The following GPC3 variants were observed in gnomAD, a reference collection of about 807,000 sequenced individuals.
The protein encoded by GPC3 is glypican-3.
GPC3 carries 3 observed loss-of-function variants against 34.4 expected under a neutral mutation model. That is an observed-to-expected ratio of 0.09 (90% CI 0.04 to 0.23). The LOEUF (loss-of-function observed/expected upper bound fraction) is 0.23, where lower values mean the gene tolerates loss of function less well. Ranked by LOEUF, GPC3 falls within the 10% of genes least tolerant of loss-of-function variation. The pLI is 1.00. For missense variants in GPC3, 351 were observed against 445.6 expected, an observed-to-expected ratio of 0.79 and a Z score of 1.91; for synonymous variants, 177 against 174.0, an observed-to-expected ratio of 1.02 and a Z score of -0.13.
intron 2 of GPC3, among the ~76,000 whole-genome samples, chrX:133,924,489 G>A (rs1191119473): frequency 8.9e-6 from 1 of 111,963 alleles, no homozygotes; most frequent in East Asian, 2.8e-4. Flanking sequence ...CTCCACGGAT[G>A]CTATACAAGC....
intron 1 of GPC3, among the ~76,000 whole-genome samples, chrX:133,965,173 C>T (rs900097581): frequency 4.6e-5 from 5 of 109,090 alleles, no homozygotes; most frequent in Admixed American, 9.7e-5. Flanking sequence ...TGGTGTCACC[C>T]CCCCCCACCC....
chrX:133,687,798 T>C (rs1267763018), intron 5 of GPC3, among the ~76,000 whole-genome samples: 1 of 111,776 alleles, frequency 8.9e-6, no homozygotes, highest in Non-Finnish European at 1.9e-5. Flanking sequence ...TGAACATATA[T>C]AGTTTAAACA....
chrX:133,747,726 T>C (rs957930836), intron 3 of GPC3, among the ~76,000 whole-genome samples: 2 of 112,019 alleles, frequency 1.8e-5, no homozygotes, highest in African/African-American at 6.5e-5. Context: ...TCTTTCCAGC[T>C]ACTCCCTCTG....
intron 2 of GPC3, among the ~76,000 whole-genome samples, chrX:133,869,340 C>T (rs2075983615): frequency 8.9e-6 from 1 of 112,094 alleles, no homozygotes; most frequent in African/African-American, 3.2e-5. Flanking sequence ...GGACATAATA[C>T]TTGCAAAATC....
intron 6 of GPC3, among the ~76,000 whole-genome samples, chrX:133,628,838 A>C (rs1459369267): frequency 9.0e-6 from 1 of 111,199 alleles, no homozygotes; most frequent in Non-Finnish European, 1.9e-5. Flanking sequence ...ACTTACAAAT[A>C]GGGTATGGCA....
chrX:133,541,272 T>C (rs1044983600), intron 7 of GPC3, among the ~76,000 whole-genome samples: 4 of 109,927 alleles, frequency 3.6e-5, no homozygotes, highest in African/African-American at 1.3e-4. Context: ...AAAAAAACCC[T>C]ACAAAGTGGC....
chrX:133,615,469 G>A (rs1569396862), intron 6 of GPC3, among the ~76,000 whole-genome samples: 1 of 110,269 alleles, frequency 9.1e-6, no homozygotes, highest in African/African-American at 3.3e-5. Flanking sequence ...CTTAAGAATA[G>A]CTGGAAACCA....
intron 6 of GPC3, among the ~76,000 whole-genome samples, chrX:133,652,480 G>C: frequency 9.0e-6 from 1 of 111,456 alleles, no homozygotes; most frequent in Non-Finnish European, 1.9e-5. Context: ...ATAAGATCCA[G>C]TGCATATAAA....
At chrX:133,745,617 A>C (rs373154585) in intron 3 of GPC3, among the ~76,000 whole-genome samples, 1 of 112,711 alleles carries the variant, frequency 8.9e-6, no homozygotes, top group East Asian at 2.8e-4. Context: ...CACTGTTCTC[A>C]GTATTTAGAT....
At chrX:133,869,585 G>A (rs1820047906) in intron 2 of GPC3, among the ~76,000 whole-genome samples, 1 of 111,988 alleles carries the variant, frequency 8.9e-6, no homozygotes, top group African/African-American at 3.2e-5. Flanking sequence ...CTTTAACAAT[G>A]AGCACAGAAT....
chrX:133,914,749 G>A (rs2076215450), intron 2 of GPC3, among the ~76,000 whole-genome samples: 1 of 108,441 alleles, frequency 9.2e-6, no homozygotes, highest in African/African-American at 3.4e-5. Flanking sequence ...TTAGCATTAA[G>A]TAATGGTTTC....
At chrX:133,942,919 T>C (rs1017498696) in intron 2 of GPC3, among the ~76,000 whole-genome samples, 9 of 111,863 alleles carry the variant, frequency 8.0e-5, no homozygotes, top group African/African-American at 2.6e-4. Flanking sequence ...TTTAAATCAG[T>C]TAATGATTCC....
chrX:133,856,880 T>C (rs2075904688), intron 2 of GPC3, among the ~76,000 whole-genome samples: 1 of 111,820 alleles, frequency 8.9e-6, no homozygotes, highest in African/African-American at 3.2e-5. Context: ...CCACTCCTTA[T>C]GGTTTGGGTC....
intron 2 of GPC3, among the ~76,000 whole-genome samples, chrX:133,783,175 C>G (rs2072067096): frequency 9.0e-6 from 1 of 111,091 alleles, no homozygotes; most frequent in South Asian, 3.9e-4. Flanking sequence ...TACTACCTCC[C>G]CATCCCTGAT....
chrX:133,916,164 A>AG (rs2076224053), intron 2 of GPC3, among the ~76,000 whole-genome samples: 1 of 108,948 alleles, frequency 9.2e-6, no homozygotes, highest in Non-Finnish European at 1.9e-5. Context: ...AAAAAAAAAA[A>AG]GGATTGTTTA....
chrX:133,829,754 A>C (rs1044289494), intron 2 of GPC3, among the ~76,000 whole-genome samples: 2 of 112,039 alleles, frequency 1.8e-5, no homozygotes, highest in Non-Finnish European at 3.8e-5. Flanking sequence ...TGGGCTAGCT[A>C]TATTAAAATC....
chrX:133,611,142 C>T (rs2070106397), intron 6 of GPC3, among the ~76,000 whole-genome samples: 1 of 105,894 alleles, frequency 9.4e-6, no homozygotes, highest in Non-Finnish European at 1.9e-5. Context: ...AAATGAGGTT[C>T]TTCTTCCTGA....
intron 7 of GPC3, among the ~76,000 whole-genome samples, chrX:133,594,122 A>G (rs925265031): frequency 9.0e-6 from 1 of 111,731 alleles, no homozygotes; most frequent in African/African-American, 3.3e-5. Context: ...AAAAAACAAA[A>G]AAGTATTAAC....
intron 1 of GPC3, among the ~76,000 whole-genome samples, chrX:133,983,681 C>T (rs1229806853): frequency 9.0e-6 from 1 of 111,653 alleles, no homozygotes; most frequent in African/African-American, 3.3e-5. Flanking sequence ...CCAATTTTTA[C>T]ATTACCAACA....
Sources: allele counts gnomAD v4.1 joint callset (sites outside exome capture counted in the v4.1 genomes callset), GRCh38; gene constraint gnomAD v4.1.1; transcripts MANE v1.5; gene names NCBI Gene and HGNC (gene_info 2026-07-23, HGNC 2026-07-21).